The following SLC44A3 variants were observed in gnomAD, a reference collection of about 807,000 sequenced individuals.
SLC44A3 encodes the protein solute carrier family 44 member 3.
In SLC44A3, 74 loss-of-function variants were observed where a neutral mutation model predicts 75.4. That is an observed-to-expected ratio of 0.98 (90% CI 0.81 to 1.19). SLC44A3 has a LOEUF of 1.19. Ranked by LOEUF, SLC44A3 falls within the 50% of genes most tolerant of loss-of-function variation. The pLI, the probability that SLC44A3 is intolerant of heterozygous loss-of-function variation, is 0.00. For synonymous variants in SLC44A3, 310 were observed against 296.9 expected, an observed-to-expected ratio of 1.04 and a Z score of -0.45; for missense variants, 700 against 778.6, an observed-to-expected ratio of 0.90 and a Z score of 1.20.
intron 12 of SLC44A3, among the ~76,000 whole-genome samples, chr1:94,874,995 C>A (rs374346463): frequency 3.3e-5 from 5 of 152,268 alleles, no homozygotes; most frequent in African/African-American, 1.2e-4. Context: ...ACAGGAACAG[C>A]TGTAGGCAAG....
chr1:94,859,509 T>C (rs767460713), intron 10 of SLC44A3, among the ~76,000 whole-genome samples: 6 of 152,164 alleles, frequency 3.9e-5, no homozygotes, highest in Admixed American at 1.3e-4. Context: ...ACAAATAAGA[T>C]GCAGCCTGAA....
intron 12 of SLC44A3, among the ~76,000 whole-genome samples, chr1:94,873,153 T>C (rs559673066): frequency 1.3e-5 from 2 of 152,366 alleles, no homozygotes; most frequent in East Asian, 3.9e-4. Context: ...TACTGTAATG[T>C]CCAATGCCTT....
chr1:94,879,640 C>T (rs936559564), intron 12 of SLC44A3, among the ~76,000 whole-genome samples: 27 of 150,598 alleles, frequency 1.8e-4, no homozygotes, highest in African/African-American at 6.4e-4. Context: ...GAGATCAAGA[C>T]CATCCTGGCT....
rs200876036 is a variant in SLC44A3, at chr1:94,892,302, G to A, written c.1642G>A (p.Val548Ile). ...LGKVLVVCFT[V>I]FGGLMAFNYN... ...ACAGGTGTTAGTGGTGTGTTTCACTGTTTTTGGAGGACTCATGGCTTTTAA... is the reference window on the plus strand; with the variant it reads ...ACAGGTGTTAGTGGTGTGTTTCACTATTTTTGGAGGACTCATGGCTTTTAA... Residue 548 changes from valine to isoleucine, a missense_variant, in exon 14 of 15, where the codon GTT becomes ATT. Physicochemically the swap from Val to Ile is conservative, Grantham distance 29 (BLOSUM62 3). Transcript: ENST00000271227. 2.0e-4 allele frequency: 319 copies of A among 1,614,054 alleles called. 3 individuals carry two copies. The highest frequency in any genetic ancestry group is 8.0e-5 in the African/African-American group (6 of 74,924).
intron 7 of SLC44A3, among the ~76,000 whole-genome samples, chr1:94,840,283 C>CTTTTTTTTTTTTTTTTTTTTTT (rs56383271): frequency 2.6e-5 from 2 of 77,380 alleles, no homozygotes; most frequent in Non-Finnish European, 4.6e-5. Context: ...TTTCTTTTTC[C>CTTTTTTTTTTTTTTTTTTTTTT]TTTTTTTTTT....
chr1:94,844,824 A>T (rs192676816), intron 8 of SLC44A3, among the ~76,000 whole-genome samples: 2 of 152,324 alleles, frequency 1.3e-5, no homozygotes, highest in African/African-American at 4.8e-5. Flanking sequence ...TGTTTCATTA[A>T]TATGAGATTT....
intron 10 of SLC44A3, among the ~76,000 whole-genome samples, chr1:94,858,979 G>A (rs9432592): frequency 6.6e-6 from 1 of 151,898 alleles, no homozygotes; most frequent in Non-Finnish European, 1.5e-5. Context: ...GATGAGCCAC[G>A]ACACCCGGCC....
At chr1:94,839,842 A>G (rs1054707794) in intron 6 of SLC44A3, 106 bp from the exon 7 acceptor site, 2 of 798,408 alleles carry the variant, frequency 2.5e-6, no homozygotes, top group Non-Finnish European at 4.4e-6. Context: ...ATTGAATACA[A>G]TCCTCAGCCG....
chr1:94,893,177 CTT>C (rs1670410844), intron 14 of SLC44A3, among the ~76,000 whole-genome samples: 1 of 152,178 alleles, frequency 6.6e-6, no homozygotes, highest in Non-Finnish European at 1.5e-5. Flanking sequence ...TGTCTCATCT[CTT>C]TTCCTTGTCT....
chr1:94,879,377 CA>C (rs1668684968), intron 12 of SLC44A3, among the ~76,000 whole-genome samples: 1 of 151,424 alleles, frequency 6.6e-6, no homozygotes. Context: ...ACTAAAAGTA[CA>C]AAAATTAGCC....
chr1:94,878,142 G>C (rs1668515015), intron 12 of SLC44A3, among the ~76,000 whole-genome samples: 1 of 152,014 alleles, frequency 6.6e-6, no homozygotes, highest in Admixed American at 6.5e-5. Flanking sequence ...GCTGAGGCAG[G>C]AGAATGGCGT....
At chr1:94,846,435 A>C (rs1327035693) in intron 9 of SLC44A3, among the ~76,000 whole-genome samples, 4 of 152,200 alleles carry the variant, frequency 2.6e-5, no homozygotes, top group Non-Finnish European at 5.9e-5. Flanking sequence ...CTAAAGCAGC[A>C]CTATTCAGAG....
intron 9 of SLC44A3, among the ~76,000 whole-genome samples, chr1:94,851,328 C>A (rs1214920547): frequency 6.6e-6 from 1 of 152,118 alleles, no homozygotes; most frequent in African/African-American, 2.4e-5. Context: ...ACACTACATG[C>A]CCTGGGTACT....
At chr1:94,870,319 T>G (rs1011925746) in intron 12 of SLC44A3, among the ~76,000 whole-genome samples, 19 of 152,356 alleles carry the variant, frequency 1.2e-4, no homozygotes, top group Non-Finnish European at 4.4e-5. Flanking sequence ...GAGTCATTAC[T>G]GTATAGTGCA....
intron 9 of SLC44A3, among the ~76,000 whole-genome samples, chr1:94,852,749 A>C (rs923869529): frequency 1.3e-5 from 2 of 152,210 alleles, no homozygotes; most frequent in Non-Finnish European, 2.9e-5. Context: ...TTGAAGGTAG[A>C]GCAAATTGGA....
At position 94,874,322 on chromosome 1, in the gene SLC44A3, T is replaced by C. The variant is rs1668058280; in HGVS notation, c.1482+6905T>C. Among the ~76,000 whole-genome samples, 4 of 152,232 alleles carry C rather than the reference T, an allele frequency of 2.6e-5. No individual in the cohort carries two copies. In the South Asian group the frequency reaches 8.3e-4, roughly 31 times the overall value. On this transcript the variant is annotated intron_variant, in intron 12 of 14. Coordinates refer to ENST00000271227, the MANE Select transcript of SLC44A3 (RefSeq NM_001114106.3). ...GTGGCTTTCCTGGGAGCAGCCTCTCTGGAGCCTAGCTCCCACCTGCTGTGG... is the reference window on the plus strand; with the variant it reads ...GTGGCTTTCCTGGGAGCAGCCTCTCCGGAGCCTAGCTCCCACCTGCTGTGG...
intron 12 of SLC44A3, among the ~76,000 whole-genome samples, chr1:94,878,317 G>A (rs1024372796): frequency 1.3e-5 from 2 of 151,930 alleles, no homozygotes; most frequent in Non-Finnish European, 2.9e-5. Context: ...TCCTGACCTC[G>A]CTTAGTGCCC....
chr1:94,886,646 C>A (rs1669623865), intron 12 of SLC44A3, among the ~76,000 whole-genome samples: 1 of 152,092 alleles, frequency 6.6e-6, no homozygotes, highest in South Asian at 2.1e-4. Context: ...CTTTGTGGCC[C>A]TCACATGTGC....
At chr1:94,881,206 CA>C (rs986479266) in intron 12 of SLC44A3, among the ~76,000 whole-genome samples, 12 of 152,188 alleles carry the variant, frequency 7.9e-5, no homozygotes, top group African/African-American at 2.9e-4. Context: ...AGGCCTTCAC[CA>C]AGCAGCCTGG....
Sources: gnomAD v4.1 joint callset for allele counts (sites outside exome capture counted in the v4.1 genomes callset) on GRCh38, gnomAD v4.1.1 for gene constraint, MANE v1.5 for transcripts, NCBI Gene and HGNC (gene_info 2026-07-23, HGNC 2026-07-21) for gene names.